Variants in PLCL2 observed in about 807,000 individuals in gnomAD.
PLCL2 encodes the protein inactive phospholipase C-like protein 2.
Under a neutral mutation model 79.6 loss-of-function variants are expected in PLCL2, and 4 were observed. The ratio of observed to expected loss-of-function variants is 0.05; its 90% confidence interval spans 0.02 to 0.11. The LOEUF (loss-of-function observed/expected upper bound fraction) is 0.11, where lower values mean the gene tolerates loss of function less well. Among genes scored for constraint, PLCL2 ranks in the 10% least tolerant of loss-of-function variants. The pLI, the probability that PLCL2 is intolerant of heterozygous loss-of-function variation, is 1.00. For missense variants in PLCL2, 895 were observed against 1,291.0 expected (o/e 0.69, Z 4.70); for synonymous variants, 484 against 457.7 (o/e 1.06, Z -0.73).
intron 1 of PLCL2, among the ~76,000 whole-genome samples, chr3:16,959,543 C>T (rs2063735689): frequency 6.6e-6 from 1 of 152,082 alleles, no homozygotes; most frequent in Non-Finnish European, 1.5e-5. Flanking sequence ...GCTTTTCCTT[C>T]TCTCTGACTG....
chr3:17,051,635 G>T (rs2064839942), intron 4 of PLCL2, among the ~76,000 whole-genome samples: 1 of 152,072 alleles, frequency 6.6e-6, no homozygotes, highest in Non-Finnish European at 1.5e-5. Context: ...CTACTGTTTT[G>T]TGCAGATGCA....
chr3:17,050,183 A>C (rs1463507629), intron 4 of PLCL2, among the ~76,000 whole-genome samples: 1 of 152,210 alleles, frequency 6.6e-6, no homozygotes, highest in Non-Finnish European at 1.5e-5. Flanking sequence ...AAATCAAATC[A>C]AAATTTAAAT....
chr3:17,074,140 T>C (rs2065087904), intron 5 of PLCL2, among the ~76,000 whole-genome samples: 1 of 152,254 alleles, frequency 6.6e-6, no homozygotes, highest in Non-Finnish European at 1.5e-5. Context: ...GAAATGTATT[T>C]CTTAAATAAT....
chr3:17,021,863 A>T (rs1044458634), intron 3 of PLCL2, among the ~76,000 whole-genome samples: 4 of 152,322 alleles, frequency 2.6e-5, no homozygotes, highest in Non-Finnish European at 5.9e-5. Flanking sequence ...ATGTCATCTG[A>T]CATACTAACA....
In PLCL2 at chr3:17,011,101, C is replaced by T. The variant is rs148814349; in HGVS notation, c.1755C>T (p.Asp585=). Residue 585 remains aspartate (D), a synonymous_variant, in exon 2 of 6, where the codon GAC becomes GAT. Transcript: ENST00000615277. This position sits in a 1 kb window ranked among gnomAD's most constrained non-coding sequence, Gnocchi z 7.9. ...CTGGGGTAGAAGGAGATGTTACTGA[C>T]GAAGATGAAGGAGCAGAAATGTCTC... is the stretch of plus-strand genomic sequence containing the variant. The part of the protein sequence containing the change: ...NCSGVEGDVT[D]EDEGAEMSQR... The T allele has an allele frequency of 2.1e-4, 341 of 1,613,870 alleles. No individual in the cohort carries two copies. Among genetic ancestry groups the T allele is most frequent in the Non-Finnish European group, 2.5e-4 (299 of 1,179,916 alleles).
chr3:16,906,426 T>C (rs1472898049), intron 1 of PLCL2, among the ~76,000 whole-genome samples: 1 of 152,194 alleles, frequency 6.6e-6, no homozygotes, highest in Non-Finnish European at 1.5e-5. Flanking sequence ...AGAAACAATT[T>C]TGAATTCGTT....
chr3:17,075,142 A>C (rs1293893122), intron 5 of PLCL2, among the ~76,000 whole-genome samples: 2 of 152,148 alleles, frequency 1.3e-5, no homozygotes, highest in East Asian at 3.8e-4. Context: ...TTTTATTTCA[A>C]GTGCAACTCT....
At chr3:17,060,045 T>G (rs2064933333) in intron 4 of PLCL2, among the ~76,000 whole-genome samples, 1 of 152,022 alleles carries the variant, frequency 6.6e-6, no homozygotes, top group Admixed American at 6.5e-5. Flanking sequence ...GAAGAAGACC[T>G]CTTTATTTCT....
chr3:16,991,690 T>G (rs1359776571), intron 1 of PLCL2, among the ~76,000 whole-genome samples: 1 of 152,214 alleles, frequency 6.6e-6, no homozygotes, highest in Non-Finnish European at 1.5e-5. Flanking sequence ...TGGTTGTATC[T>G]TATTTTTTAT....
chr3:16,958,212 C>T (rs2063724358), intron 1 of PLCL2, among the ~76,000 whole-genome samples: 1 of 152,030 alleles, frequency 6.6e-6, no homozygotes, highest in Admixed American at 6.6e-5. Flanking sequence ...GTACTGTTAT[C>T]CTTTCTTTAA....
rs74723123 is a variant in PLCL2 at position 17,082,543 on chromosome 3, C to G, written c.3205-7190C>G. Among the ~76,000 whole-genome samples the G allele has an allele frequency of 7.3e-3, 1,119 of 152,256 alleles. 16 individuals carry two copies. Among genetic ancestry groups the G allele is most frequent in the African/African-American group, 0.026 (1,071 of 41,556 alleles). The stretch of plus-strand genomic sequence containing the variant: ...ATGTGGACAAAGTTCAGCAGCTCCT[C>G]AAGCCCAGATTTATTGCCTTTGGGA... On this transcript the variant is annotated intron_variant, in intron 5 of 5. Coordinates refer to ENST00000615277, the MANE Select transcript of PLCL2 (RefSeq NM_001144382.2).
rs1379052787 is a variant in PLCL2, at chr3:16,958,456, G to C, written c.328-51218G>C. ...TGGGTACAGCATTCAAAATAAGACT[G>C]TAATAAAAAAAGTGCAAGCAAAAAA... is the stretch of plus-strand genomic sequence containing the variant. On this transcript the variant is annotated intron_variant, in intron 1 of 5. Transcript: ENST00000615277. 2.6e-5 allele frequency among the ~76,000 whole-genome samples: 4 copies of C among 151,780 alleles called. 1 individual carries two copies.
intron 1 of PLCL2, among the ~76,000 whole-genome samples, chr3:16,996,875 A>C (rs1315522706): frequency 6.6e-6 from 1 of 152,172 alleles, no homozygotes; most frequent in African/African-American, 2.4e-5. Flanking sequence ...AAAATCTTAA[A>C]ATTTAATTAT....
At chr3:17,014,655 A>T in intron 2 of PLCL2, 53 bp from the exon 3 acceptor site, 2 of 1,351,200 alleles carry the variant, frequency 1.5e-6, no homozygotes, top group Non-Finnish European at 2.1e-6. Flanking sequence ...AATATCCATG[A>T]GAAAGTAAAA....
At chr3:16,986,603 G>A (rs1188265766) in intron 1 of PLCL2, among the ~76,000 whole-genome samples, 2 of 152,014 alleles carry the variant, frequency 1.3e-5, no homozygotes, top group Admixed American at 1.3e-4. Flanking sequence ...GGGTTTCACC[G>A]TGTTGGCCAG....
chr3:16,957,279 G>A (rs1238592540), intron 1 of PLCL2, among the ~76,000 whole-genome samples: 1 of 152,028 alleles, frequency 6.6e-6, no homozygotes, highest in African/African-American at 2.4e-5. Context: ...CCTTCATTTC[G>A]TTATGTACCC....
intron 1 of PLCL2, among the ~76,000 whole-genome samples, chr3:16,935,548 G>T (rs558198952): frequency 1.1e-3 from 161 of 152,218 alleles, no homozygotes; most frequent in Non-Finnish European, 2.1e-3. Context: ...TTTCGGATAT[G>T]TGTTGTAGGA....
At chr3:17,085,679 G>A (rs1050562524) in intron 5 of PLCL2, among the ~76,000 whole-genome samples, 2 of 151,936 alleles carry the variant, frequency 1.3e-5, no homozygotes, top group African/African-American at 4.8e-5. Flanking sequence ...TCGATCTCCT[G>A]ACCTCATGAT....
intron 5 of PLCL2, among the ~76,000 whole-genome samples, chr3:17,087,502 G>T (rs2065232709): frequency 6.6e-6 from 1 of 152,246 alleles, no homozygotes; most frequent in Admixed American, 6.5e-5. Context: ...GGGGTTGGGA[G>T]TGGGGAAGGA....
Sources: allele counts gnomAD v4.1 joint callset (sites outside exome capture counted in the v4.1 genomes callset), GRCh38; gene constraint gnomAD v4.1.1; non-coding constraint Gnocchi (gnomAD v3.1); transcripts MANE v1.5; gene names NCBI Gene and HGNC (gene_info 2026-07-23, HGNC 2026-07-21).